The following EIPR1 variants were observed in gnomAD, a reference collection of about 807,000 sequenced individuals.
EIPR1 encodes EARP and GARP complex-interacting protein 1.
In EIPR1, 25 loss-of-function variants were observed where a neutral mutation model predicts 48.1. That is an observed-to-expected ratio of 0.52 (90% CI 0.38 to 0.73). The LOEUF is 0.73. Among genes scored for constraint, EIPR1 ranks in the 30% least tolerant of loss-of-function variants. EIPR1 has a pLI of 0.00. For missense variants in EIPR1, 415 were observed against 506.2 expected (o/e 0.82, Z 1.73); for synonymous variants, 204 against 201.9 (o/e 1.01, Z -0.09).
rs560003991 is a variant in EIPR1 at position 3,306,012 on chromosome 2, G to C, written c.259+32005C>G. On this transcript the variant is annotated intron_variant, in intron 3 of 8. Coordinates refer to ENST00000382125, the MANE Select transcript of EIPR1 (RefSeq NM_003310.5). ...TACTGAGTTCCGAGGCAGTCACTTG[G>C]GTCTGAGCCCACTACAATGTAAAGC... 5.9e-5 allele frequency among the ~76,000 whole-genome samples: 9 copies of C among 152,260 alleles called. No homozygotes were observed. In the East Asian group the frequency reaches 1.7e-3, roughly 29 times the overall value.
chr2:3,292,696 G>T lies in EIPR1; in HGVS notation c.260-35241C>A, dbSNP rs78182939. 2.4e-4 allele frequency among the ~76,000 whole-genome samples: 37 copies of T among 152,290 alleles called. No homozygotes were observed. In the East Asian group the frequency reaches 6.6e-3, roughly 27 times the overall value. On this transcript the variant is annotated intron_variant, in intron 3 of 8. Coordinates refer to ENST00000382125, the MANE Select transcript of EIPR1 (RefSeq NM_003310.5). ...TCCAAGGCACGCAGCCTCATGTGAT[G>T]AACAGGTGACCACCACCAAAAAGCT...
intron 3 of EIPR1, among the ~76,000 whole-genome samples, chr2:3,332,572 C>T (rs1036783994): frequency 4.6e-5 from 7 of 152,366 alleles, no homozygotes; most frequent in African/African-American, 1.7e-4. Flanking sequence ...AACCCACAAT[C>T]TACGCCCACA....
chr2:3,211,089 G>C (rs113169489), intron 5 of EIPR1, among the ~76,000 whole-genome samples: 1 of 152,020 alleles, frequency 6.6e-6, no homozygotes, highest in Non-Finnish European at 1.5e-5. Flanking sequence ...TACCTACGTC[G>C]CAAACCTGCA....
chr2:3,202,365 C>G (rs1665078410), intron 5 of EIPR1, among the ~76,000 whole-genome samples: 1 of 152,162 alleles, frequency 6.6e-6, no homozygotes, highest in Non-Finnish European at 1.5e-5. Context: ...TTCTGAAGAC[C>G]TACTTATCAG....
chr2:3,222,282 C>T (rs553868166), intron 4 of EIPR1, among the ~76,000 whole-genome samples: 7 of 152,312 alleles, frequency 4.6e-5, no homozygotes, highest in East Asian at 1.9e-4. Flanking sequence ...TGCAGGAAAT[C>T]GTGGTGTGCT....
chr2:3,359,381 G>C (rs1017938529), intron 1 of EIPR1, among the ~76,000 whole-genome samples: 1 of 152,190 alleles, frequency 6.6e-6, no homozygotes, highest in Non-Finnish European at 1.5e-5. Flanking sequence ...GCAGAGCCGA[G>C]AGCTGCATAC....
chr2:3,377,442 C>A (rs367561870), intron 1 of EIPR1: 1 of 518,362 alleles, frequency 1.9e-6, no homozygotes, highest in Middle Eastern at 2.9e-4. Flanking sequence ...GGGAAGGAGG[C>A]AGGCCGGCTG....
At chr2:3,235,835 G>A (rs1341999276) in intron 4 of EIPR1, among the ~76,000 whole-genome samples, 1 of 152,090 alleles carries the variant, frequency 6.6e-6, no homozygotes, top group Non-Finnish European at 1.5e-5. Flanking sequence ...TCAGCACTTG[G>A]TCCAGAGGTA....
intron 2 of EIPR1, among the ~76,000 whole-genome samples, chr2:3,341,109 A>C (rs1303488183): frequency 2.0e-5 from 3 of 149,626 alleles, no homozygotes; most frequent in East Asian, 2.0e-4. Flanking sequence ...AAAAAAAAAA[A>C]AAAAAAAAAA....
intron 5 of EIPR1, chr2:3,208,307 C>G: frequency 1.6e-6 from 1 of 613,122 alleles, no homozygotes. Flanking sequence ...TGAAGGAGGA[C>G]AGGAGAGGTC....
At chr2:3,289,808 G>T (rs1248938637) in intron 3 of EIPR1, among the ~76,000 whole-genome samples, 4 of 152,196 alleles carry the variant, frequency 2.6e-5, no homozygotes, top group Admixed American at 1.3e-4. Flanking sequence ...TCCTTCCCGG[G>T]GCTTCCCGTC....
intron 3 of EIPR1, among the ~76,000 whole-genome samples, chr2:3,258,247 G>A (rs1667225244): frequency 6.6e-6 from 1 of 152,206 alleles, no homozygotes; most frequent in African/African-American, 2.4e-5. Context: ...TGTTTCCAAG[G>A]AAGGTCTCTG....
At chr2:3,248,240 G>A (rs565547564) in intron 4 of EIPR1, among the ~76,000 whole-genome samples, 1 of 152,328 alleles carries the variant, frequency 6.6e-6, no homozygotes, top group African/African-American at 2.4e-5. Flanking sequence ...CTGAGATCAG[G>A]AGTTCAAGAG....
At chr2:3,273,304 C>T (rs1486121495) in intron 3 of EIPR1, among the ~76,000 whole-genome samples, 1 of 152,122 alleles carries the variant, frequency 6.6e-6, no homozygotes, top group Non-Finnish European at 1.5e-5. Context: ...TTGTTGAAAA[C>T]AAAATGATAA....
intron 1 of EIPR1, among the ~76,000 whole-genome samples, chr2:3,355,993 G>T (rs1248208003): frequency 6.6e-6 from 1 of 152,198 alleles, no homozygotes; most frequent in Non-Finnish European, 1.5e-5. Context: ...ATCTAAAGGA[G>T]ACTTACTAGC....
rs577462467 is a variant in EIPR1, at chr2:3,370,717, T to C, written c.42+6931A>G. Among the ~76,000 whole-genome samples the C allele has an allele frequency of 6.6e-5, 10 of 152,272 alleles. No homozygotes were observed. In the East Asian group the frequency reaches 1.7e-3, roughly 26 times the overall value. On this transcript the variant is annotated intron_variant, in intron 1 of 8. Coordinates refer to ENST00000382125, the MANE Select transcript of EIPR1 (RefSeq NM_003310.5). ...AGAATAAAAAGAAATGAACAAAGCCTCCAAGAAATATGGGACTATGTGAAA... is the reference window on the plus strand; with the variant it reads ...AGAATAAAAAGAAATGAACAAAGCCCCCAAGAAATATGGGACTATGTGAAA...
rs115331926 is a variant in EIPR1, at chr2:3,292,216, C to T, written c.260-34761G>A. ...TTCCCTAAGTCCTCAGGTGACTGCG[C>T]GGCCAGACTGGGACCCAGTCCATTA... is the stretch of plus-strand genomic sequence containing the variant. On this transcript the variant is annotated intron_variant, in intron 3 of 8. Transcript: ENST00000382125. Among the ~76,000 whole-genome samples the T allele has an allele frequency of 3.4e-3, 524 of 152,322 alleles. 5 individuals are homozygous for T. The highest frequency in any genetic ancestry group is 0.012 in the African/African-American group (503 of 41,576).
chr2:3,354,498 A>G, intron 2 of EIPR1, 52 bp downstream of exon 2: 1 of 1,534,506 alleles, frequency 6.5e-7, no homozygotes, highest in Non-Finnish European at 9.0e-7. Context: ...TGGTTATAAA[A>G]CTAAGAATAG....
intron 3 of EIPR1, among the ~76,000 whole-genome samples, chr2:3,307,576 A>T (rs1192784068): frequency 6.6e-6 from 1 of 152,222 alleles, no homozygotes; most frequent in Non-Finnish European, 1.5e-5. Flanking sequence ...CTACCTGCGC[A>T]CAGCCTCAGG....
Sources: gnomAD v4.1 joint callset for allele counts (sites outside exome capture counted in the v4.1 genomes callset) on GRCh38, gnomAD v4.1.1 for gene constraint, MANE v1.5 for transcripts, NCBI Gene and HGNC (gene_info 2026-07-23, HGNC 2026-07-21) for gene names.